The following METTL17 variants were observed in gnomAD, a reference collection of about 807,000 sequenced individuals.
METTL17 encodes the protein ribosome assembly protein METTL17, mitochondrial.
METTL17 carries 49 observed loss-of-function variants against 59.4 expected under a neutral mutation model. That is an observed-to-expected ratio of 0.82 (90% confidence interval 0.66 to 1.05). METTL17 has a LOEUF of 1.05. METTL17 is among the 50% of genes least tolerant of loss of function. The pLI is 0.00. For missense variants in METTL17, 555 were observed against 578.4 expected (o/e 0.96, Z 0.41); for synonymous variants, 208 against 209.2 (o/e 0.99, Z 0.05).
Position 20,994,812 on chromosome 14 carries a change from G to T in METTL17, c.787G>T (p.Val263Leu). Residue 263 changes from valine (V) to leucine (L), a missense_variant, in exon 9 of 14, where the codon GTG becomes TTG. Physicochemically the swap from Val to Leu is conservative, Grantham distance 32. Coordinates refer to ENST00000339374, the MANE Select transcript of METTL17 (RefSeq NM_022734.3). Reference sequence around the variant, plus strand: ...TCCTCAGGTGCAGTTTGATGTAGTAGTGTCAGCTTTTTCCTTAAGTGAACT... The same window carrying T: ...TCCTCAGGTGCAGTTTGATGTAGTATTGTCAGCTTTTTCCTTAAGTGAACT... ...VSPKVQFDVVVSAFSLSELPS... is the reference protein window; with the variant it reads ...VSPKVQFDVVLSAFSLSELPS... The T allele has an allele frequency of 6.2e-7, 1 of 1,614,040 alleles. No homozygotes were observed. The highest frequency in any genetic ancestry group is 1.1e-5 in the South Asian group (1 of 91,048).
chr14:20,994,647 G>C (rs1452281607), intron 8 of METTL17, 34 bp downstream of exon 8: 1 of 1,599,074 alleles, frequency 6.3e-7, no homozygotes, highest in East Asian at 2.2e-5. Flanking sequence ...TCTAAATGTG[G>C]AATGTGGCAG....
chr14:20,990,386 G>A lies in METTL17; in HGVS notation c.229+3G>A, dbSNP rs773589040. ...CGGTGCCCAGTTATTGCTACTTGGT[G>A]AGTAACGGCGGGAAAGCGAGAAGAA... is the stretch of plus-strand genomic sequence containing the variant. On this transcript the variant is annotated splice_donor_region_variant and intron_variant, in intron 2 of 13. Coordinates refer to ENST00000339374, the MANE Select transcript of METTL17 (RefSeq NM_022734.3). 4 of 1,613,812 alleles carry A rather than the reference G, an allele frequency of 2.5e-6. No homozygotes were observed. The East Asian group carries it at 8.9e-5, about 36-fold the overall frequency.
intron 7 of METTL17, among the ~76,000 whole-genome samples, 191 bp downstream of exon 7, chr14:20,994,254 A>G (rs1197699212): frequency 1.3e-5 from 2 of 151,782 alleles, no homozygotes; most frequent in Admixed American, 6.6e-5. Context: ...TAAGAATCAA[A>G]GGACAGGAGG....
At chr14:20,992,685 T>C in intron 5 of METTL17, 63 bp downstream of exon 5, 2 of 1,273,294 alleles carry the variant, frequency 1.6e-6, no homozygotes, top group Non-Finnish European at 2.3e-6. Context: ...CATAAAGTAG[T>C]TTTCTAGGAT....
intron 11 of METTL17, 28 bp from the exon 12 acceptor site, chr14:20,996,181 C>G: frequency 3.7e-6 from 6 of 1,601,392 alleles, no homozygotes; most frequent in Non-Finnish European, 5.1e-6. Flanking sequence ...GCTCTTTTGT[C>G]TTACCTCATT....
Position 20,996,571 on chromosome 14 carries a change from T to C in METTL17, c.1125T>C (p.Ala375=). Residue 375 remains alanine, a synonymous_variant, in exon 13 of 14, where the codon GCT becomes GCC. Transcript: ENST00000339374. The part of the protein sequence containing the change: ...KEEKFSMVIL[A]RGSPEEAHRW... ...AAAAGTTCTCTATGGTGATCCTTGC[T>C]CGGGGGTCTCCAGAGGAGGCTCATC... is the stretch of plus-strand genomic sequence containing the variant. 6.2e-7 allele frequency: 1 copy of C among 1,614,188 alleles called. No homozygotes were observed. Among genetic ancestry groups the C allele is most frequent in the Non-Finnish European group, 8.5e-7 (1 of 1,180,014 alleles).
At chr14:20,990,872 C>T in intron 3 of METTL17, 1 of 411,776 alleles carries the variant, frequency 2.4e-6, no homozygotes, top group Non-Finnish European at 4.4e-6. Flanking sequence ...TGCTCTGTCA[C>T]CCAGGCTGAA....
Position 20,990,020 on chromosome 14 carries a change from G to A in METTL17, c.18G>A (p.Lys6=), listed in dbSNP as rs1179444763. The change falls in exon 1 of 14, where the codon AAG becomes AAA. Residue 6 remains lysine (K), a synonymous_variant. Transcript: ENST00000339374. ...CCGGAGCCATGGCGGCGGCACTGAA[G>A]TGTCTACTGACATTAGGAAGATGGT... MAAAL[K]CLLTLGRWCP... is the part of the protein sequence containing the mutation. 2 of 1,606,174 alleles carry A rather than the reference G, an allele frequency of 1.2e-6. No individual in the cohort carries two copies. Among genetic ancestry groups the A allele is most frequent in the African/African-American group, 1.3e-5 (1 of 74,750 alleles).
rs149778840 is a variant in METTL17 at position 20,994,855 on chromosome 14, G to T, written c.830G>T (p.Arg277Leu). 1.2e-6 allele frequency: 2 copies of T among 1,614,026 alleles called. No individual in the cohort carries two copies. The highest frequency in any genetic ancestry group is 2.2e-5 in the South Asian group (2 of 91,032). Reference sequence around the variant, plus strand: ...AGTGAACTGCCCAGCAAGGCTGACCGCACTGAGGTAGTTCAAACCTTATGG... The same window carrying T: ...AGTGAACTGCCCAGCAAGGCTGACCTCACTGAGGTAGTTCAAACCTTATGG... ...SLSELPSKAD[R>L]TEVVQTLWRK... The change falls in exon 9 of 14, where the codon CGC (arginine) becomes CTC (leucine). Residue 277 changes from arginine to leucine, a missense_variant. Transcript: ENST00000339374.
At chr14:20,991,593 C>T (rs1277669311) in intron 3 of METTL17, among the ~76,000 whole-genome samples, 3 of 151,896 alleles carry the variant, frequency 2.0e-5, no homozygotes, top group Non-Finnish European at 2.9e-5. Flanking sequence ...TGCAGTGGTG[C>T]GATCTCAGCT....
At chr14:20,993,689 G>C in intron 6 of METTL17, 2 of 241,086 alleles carry the variant, frequency 8.3e-6, no homozygotes, top group Non-Finnish European at 1.6e-5. Context: ...TGGCCAGGCT[G>C]GTCTCTAACT....
rs370656915 is a variant in METTL17 at position 20,994,283 on chromosome 14, C to CTTTT, written c.697+233_697+236dup. Among the ~76,000 whole-genome samples the CTTTT allele has an allele frequency of 4.6e-3, 632 of 138,842 alleles. 8 individuals carry two copies. The highest frequency in any genetic ancestry group is 0.016 in the African/African-American group (608 of 38,070). The allele number at this position is 138,842 out of a possible 152,430, so 91.1% of individuals were successfully genotyped here. On this transcript the variant is annotated intron_variant, in intron 7 of 13. Coordinates refer to ENST00000339374, the MANE Select transcript of METTL17 (RefSeq NM_022734.3). ...CAGGAGGCCTAATATTCTCCCTGCC[C>CTTTT]TTTTTTTTTTTTTTTTAATTAGAGG...
chr14:20,992,481 A>T, intron 4 of METTL17, 60 bp from the exon 5 acceptor site: 1 of 1,326,924 alleles, frequency 7.5e-7, no homozygotes, highest in Non-Finnish European at 1.1e-6. Context: ...TAAATCTAGA[A>T]GGTAATTATG....
chr14:20,990,826 GTTTT>G (rs1412556716), intron 3 of METTL17: 10 of 573,672 alleles, frequency 1.7e-5, no homozygotes, highest in East Asian at 1.3e-4. Flanking sequence ...TTGTTTGTTT[GTTTT>G]GTTGTTTTGT....
rs376694863 is a variant in METTL17, at chr14:20,990,351, C to T, written c.197C>T (p.Ala66Val). The change falls in exon 2 of 14, where the codon GCA (alanine) becomes GTA (valine). Residue 66 changes from alanine to valine, a missense_variant. By Grantham distance (64) the Ala-to-Val change is moderately conservative (BLOSUM62 0). Transcript: ENST00000339374. ...CTGCCGCACGTGCGGCTGCCACAGG[C>T]ACTGGCTAACGGTGCCCAGTTATTG... Reference protein sequence around the residue: ...LKLPHVRLPQALANGAQLLLL... With the variant: ...LKLPHVRLPQVLANGAQLLLL... 8.1e-6 allele frequency: 13 copies of T among 1,614,126 alleles called. No homozygotes were observed. The highest frequency in any genetic ancestry group is 5.0e-5 in the Admixed American group (3 of 60,012).
intron 8 of METTL17, 27 bp downstream of exon 8, chr14:20,994,640 A>G: frequency 6.2e-7 from 1 of 1,607,136 alleles, no homozygotes; most frequent in Non-Finnish European, 8.5e-7. Flanking sequence ...AGAATATTCT[A>G]AATGTGGAAT....
Position 20,990,566 on chromosome 14 carries a change from G to A in METTL17, c.332G>A (p.Arg111Lys). The part of the protein sequence containing the change: ...VEPEELQRRA[R>K]HLEKKFLENP... ...CCAGAGGAGTTGCAAAGACGGGCTA[G>A]GCATCTTGAGAAAAAATTCCTGGAA... The change falls in exon 3 of 14, where the codon AGG becomes AAG. Residue 111 changes from arginine (R) to lysine (K), a missense_variant. Transcript: ENST00000339374. The A allele has an allele frequency of 6.2e-7, 1 of 1,614,198 alleles. No homozygotes were observed. Among genetic ancestry groups the A allele is most frequent in the Non-Finnish European group, 8.5e-7 (1 of 1,180,050 alleles).
intron 5 of METTL17, 143 bp downstream of exon 5, chr14:20,992,765 T>A: frequency 1.5e-6 from 1 of 664,766 alleles, no homozygotes; most frequent in Non-Finnish European, 2.6e-6. Flanking sequence ...AGTGGGCTCC[T>A]GCCTGCAGTC....
At position 20,994,051 on chromosome 14, in the gene METTL17, A is replaced by G. The variant is rs747463030; in HGVS notation, c.685A>G (p.Lys229Glu). 5.0e-6 allele frequency: 8 copies of G among 1,613,662 alleles called. No homozygotes were observed. Among genetic ancestry groups the G allele is most frequent in the Non-Finnish European group, 5.9e-6 (7 of 1,179,720 alleles). Residue 229 changes from lysine (K) to glutamate (E), a missense_variant, in exon 7 of 14, where the codon AAA becomes GAA. Physicochemically the swap from Lys to Glu is moderately conservative, Grantham distance 56. Coordinates refer to ENST00000339374, the MANE Select transcript of METTL17 (RefSeq NM_022734.3). Reference sequence around the variant, plus strand: ...AGCTGCCATGTTGGTTTTGGCAGAAAAACTACTGAAAGGTGAGTGCAAGAG... The same window carrying G: ...AGCTGCCATGTTGGTTTTGGCAGAAGAACTACTGAAAGGTGAGTGCAAGAG... ...RSAAMLVLAE[K>E]LLKGGSESGE...
Sources: gnomAD v4.1 joint callset for allele counts (sites outside exome capture counted in the v4.1 genomes callset) on GRCh38, gnomAD v4.1.1 for gene constraint, MANE v1.5 for transcripts, NCBI Gene and HGNC (gene_info 2026-07-23, HGNC 2026-07-21) for gene names.